The following PRKAR1B variants were observed in gnomAD, a reference collection of about 807,000 sequenced individuals.
PRKAR1B encodes cAMP-dependent protein kinase type I-beta regulatory subunit.
Under a neutral mutation model 46.5 loss-of-function variants are expected in PRKAR1B, and 22 were observed. The observed-to-expected ratio is 0.47, with a 90% CI of 0.34 to 0.68. PRKAR1B has a LOEUF of 0.68. Among genes scored for constraint, PRKAR1B ranks in the 30% least tolerant of loss-of-function variants. The probability of loss-of-function intolerance (pLI) is 0.01; values close to 1 mark genes in which losing one functional copy is unlikely to be tolerated. For synonymous variants in PRKAR1B, 259 were observed against 217.7 expected (o/e 1.19, Z -1.67); for missense variants, 445 against 535.6 (o/e 0.83, Z 1.67).
chr7:705,525 CACT>C (rs1214936790), intron 2 of PRKAR1B, among the ~76,000 whole-genome samples: 34 of 152,174 alleles, frequency 2.2e-4, no homozygotes, highest in East Asian at 5.8e-4. Context: ...CCAGGAATCT[CACT>C]ACTAAATATT....
rs1784042957 is a variant in PRKAR1B at position 549,494 on chromosome 7, G to C, written c.*936C>G. The C allele has an allele frequency of 6.6e-6, 1 of 152,464 alleles. No homozygotes were observed. The highest frequency in any genetic ancestry group is 1.5e-5 in the Non-Finnish European group (1 of 68,230). 9.4% of individuals were successfully genotyped at this position (152,464 alleles called of 1,614,324 possible). A position where few individuals can be genotyped will look rare whatever the true frequency, so the allele number is the denominator to read the frequency against. On this transcript the variant is annotated 3_prime_UTR_variant, in exon 11 of 11. Transcript: ENST00000537384. ...CAGGAATCCCCTGGGAAGCTTCTCT[G>C]CACTGGCCTCACCCTTTCGGGCCTG...
At chr7:696,884 C>T (rs572803508) in intron 2 of PRKAR1B, 2 of 152,602 alleles carry the variant, frequency 1.3e-5, no homozygotes, top group East Asian at 3.9e-4. Context: ...CAGGGCCCCT[C>T]CCCAGGGCTG....
Position 711,346 on chromosome 7 carries a change from A to G in PRKAR1B, c.160T>C (p.Phe54Leu). The change falls in exon 2 of 11, where the codon TTC becomes CTC. Residue 54 changes from phenylalanine (F) to leucine (L), a missense_variant. Transcript: ENST00000537384. ...CCACTCACCTTCTCCAGCTTCTCGA[A>G]GTGCTCCCGGAGGAACTTCATGGGG... The part of the protein sequence containing the change: ...ERPMKFLREH[F>L]EKLEKEENRQ... 1.2e-6 allele frequency: 2 copies of G among 1,614,130 alleles called. No individual in the cohort carries two copies. The highest frequency in any genetic ancestry group is 1.7e-6 in the Non-Finnish European group (2 of 1,179,986).
chr7:661,552 C>T (rs1583377393), intron 4 of PRKAR1B, among the ~76,000 whole-genome samples: 1 of 63,474 alleles, frequency 1.6e-5, no homozygotes, highest in Non-Finnish European at 3.3e-5. Context: ...ACCTACTCTC[C>T]CCCCCATGGC....
intron 4 of PRKAR1B, among the ~76,000 whole-genome samples, chr7:669,345 T>C (rs1331868415): frequency 1.3e-5 from 2 of 152,108 alleles, no homozygotes; most frequent in Non-Finnish European, 1.5e-5. Flanking sequence ...GAGGGGGTGA[T>C]AGGACTGACT....
chr7:633,058 C>T (rs757493911), intron 4 of PRKAR1B, among the ~76,000 whole-genome samples: 3 of 152,238 alleles, frequency 2.0e-5, no homozygotes, highest in Non-Finnish European at 4.4e-5. Context: ...CGACGCCATG[C>T]GTGTGAATTC....
intron 3 of PRKAR1B, 103 bp from the exon 4 acceptor site, chr7:677,423 A>G: frequency 1.1e-6 from 1 of 939,708 alleles, no homozygotes. Context: ...TTATCAGGCA[A>G]TGGTACAAAT....
intron 4 of PRKAR1B, among the ~76,000 whole-genome samples, chr7:630,552 T>G (rs887217284): frequency 5.3e-5 from 8 of 152,188 alleles, no homozygotes; most frequent in African/African-American, 1.9e-4. Flanking sequence ...GTTATTATTG[T>G]TTTAATTTGG....
At position 585,654 on chromosome 7, in the gene PRKAR1B, G is replaced by C. The variant is rs528886781; in HGVS notation, c.709-1086C>G. Among the ~76,000 whole-genome samples, 3 of 152,138 alleles carry C rather than the reference G, an allele frequency of 2.0e-5. No homozygotes were observed. The East Asian group carries it at 5.8e-4, about 29-fold the overall frequency. Reference sequence around the variant, plus strand: ...TGAACGCCCACTCCAGGTCAGGGAGGGGGGCTCTTGGACACACTGACCCAC... The same window carrying C: ...TGAACGCCCACTCCAGGTCAGGGAGCGGGGCTCTTGGACACACTGACCCAC... On this transcript the variant is annotated intron_variant, in intron 7 of 10. Coordinates refer to ENST00000537384, the MANE Select transcript of PRKAR1B (RefSeq NM_001164760.2).
chr7:680,782 G>T, intron 2 of PRKAR1B, 56 bp from the exon 3 acceptor site: 2 of 1,600,458 alleles, frequency 1.2e-6, no homozygotes, highest in Non-Finnish European at 8.5e-7. Flanking sequence ...TCCCGGCCAG[G>T]CACAGGGCCC....
intron 10 of PRKAR1B, among the ~76,000 whole-genome samples, chr7:551,083 C>T (rs954046157): frequency 6.6e-6 from 1 of 152,096 alleles, no homozygotes; most frequent in African/African-American, 2.4e-5. Flanking sequence ...TGCAGGAATG[C>T]TGGTGGCTGA....
At chr7:595,624 C>G (rs1280821198) in intron 7 of PRKAR1B, among the ~76,000 whole-genome samples, 4 of 152,208 alleles carry the variant, frequency 2.6e-5, no homozygotes, top group Non-Finnish European at 5.9e-5. Flanking sequence ...CCATAGCACC[C>G]CCGCCGCCCA....
In PRKAR1B at chr7:680,738, AG is replaced by A. The variant is rs774195498; in HGVS notation, c.178-13del. 1.9e-6 allele frequency: 3 copies of A among 1,613,536 alleles called. No individual in the cohort carries two copies. The Admixed American group carries it at 5.0e-5, about 27-fold the overall frequency. ...TGCCTGTTTTCTTCCTGTGTGGGAG[AG>A]GAAAACACAGAAAGGAAGTAAGAAC... On this transcript the variant is annotated splice_polypyrimidine_tract_variant and intron_variant, in intron 2 of 10. Coordinates refer to ENST00000537384, the MANE Select transcript of PRKAR1B (RefSeq NM_001164760.2).
intron 7 of PRKAR1B, among the ~76,000 whole-genome samples, chr7:585,503 C>T (rs1008959459): frequency 5.3e-5 from 8 of 152,136 alleles, no homozygotes; most frequent in African/African-American, 1.2e-4. Context: ...GCCACGCGTT[C>T]GAGTAGGGTG....
At chr7:600,224 G>A (rs1212017874) in intron 6 of PRKAR1B, among the ~76,000 whole-genome samples, 2 of 152,256 alleles carry the variant, frequency 1.3e-5, no homozygotes, top group Non-Finnish European at 2.9e-5. Context: ...TTAAAGTAGG[G>A]CCGAGGGCAG....
intron 9 of PRKAR1B, among the ~76,000 whole-genome samples, chr7:556,814 G>A (rs1381227513): frequency 6.6e-6 from 1 of 152,234 alleles, no homozygotes; most frequent in Non-Finnish European, 1.5e-5. Context: ...GAGCTCAGAT[G>A]CCATGTTTCT....
chr7:635,966 ACGTCCTCCACCGGCCGCGCCCT>A lies in PRKAR1B; in HGVS notation c.441-28536_441-28515del, dbSNP rs1562578500. ...CACATCCTCCACCGGCCGCGCCCTCACGTCCTCCACCGGCCGCGCCCTCACGTCCTCCACCGGCCGCGCCCTC... is the reference window on the plus strand; with the variant it reads ...CACATCCTCCACCGGCCGCGCCCTCACACGTCCTCCACCGGCCGCGCCCTC... On this transcript the variant is annotated intron_variant, in intron 4 of 10. Coordinates refer to ENST00000537384, the MANE Select transcript of PRKAR1B (RefSeq NM_001164760.2). Among the ~76,000 whole-genome samples, 1,021 of 125,576 alleles carry A rather than the reference ACGTCCTCCACCGGCCGCGCCCT, an allele frequency of 8.1e-3. 81 individuals are homozygous for A. The highest frequency in any genetic ancestry group is 0.015 in the African/African-American group (528 of 34,512). 82.4% of individuals were successfully genotyped at this position (125,576 alleles called of 152,430 possible).
At chr7:555,254 G>T (rs1478011527) in intron 9 of PRKAR1B, among the ~76,000 whole-genome samples, 1 of 152,224 alleles carries the variant, frequency 6.6e-6, no homozygotes, top group African/African-American at 2.4e-5. Flanking sequence ...CGGCAAGGAA[G>T]CGGCAGGGAT....
chr7:680,534 C>T (rs934983486), intron 3 of PRKAR1B, 22 bp downstream of exon 3: 4 of 1,593,694 alleles, frequency 2.5e-6, no homozygotes, highest in Non-Finnish European at 3.4e-6. Context: ...GGGACAGGAA[C>T]CCCGTGACCC....
Sources: gnomAD v4.1 joint callset for allele counts (sites outside exome capture counted in the v4.1 genomes callset) on GRCh38, gnomAD v4.1.1 for gene constraint, MANE v1.5 for transcripts, NCBI Gene and HGNC (gene_info 2026-07-23, HGNC 2026-07-21) for gene names.